The following ZSWIM9 variants were observed in gnomAD, a reference collection of about 807,000 sequenced individuals.
ZSWIM9 encodes uncharacterized protein ZSWIM9.
A neutral mutation model predicts 25.0 loss-of-function variants in ZSWIM9; 11 were observed. That is an observed-to-expected ratio of 0.44 (90% confidence interval 0.28 to 0.73). The LOEUF (loss-of-function observed/expected upper bound fraction) is 0.73, where lower values mean the gene tolerates loss of function less well. Among genes scored for constraint, ZSWIM9 ranks in the 30% least tolerant of loss-of-function variants. ZSWIM9 has a pLI of 0.16. For missense variants in ZSWIM9, 1,070 were observed against 1,296.5 expected, an observed-to-expected ratio of 0.83 and a Z score of 2.68; for synonymous variants, 562 against 582.1, an observed-to-expected ratio of 0.97 and a Z score of 0.50.
chr19:48,187,501 T>TTATATTATATATTATATTATAA (rs1568579570), intron 3 of ZSWIM9, among the ~76,000 whole-genome samples: 1 of 4,974 alleles, frequency 2.0e-4, no homozygotes, highest in Non-Finnish European at 6.4e-4. Context: ...TTATAATATA[T>TTATATTATATATTATATTATAA]TATATTATAT....
chr19:48,196,915 A>G lies in ZSWIM9; in HGVS notation c.*88A>G. On this transcript the variant is annotated 3_prime_UTR_variant, in exon 4 of 4. Transcript: ENST00000614654. ...AGATAATAGGGCTGAGGCCAAGGAGACCGTTGCAGTCCCCCTGGCCACCTT... is the reference window on the plus strand; with the variant it reads ...AGATAATAGGGCTGAGGCCAAGGAGGCCGTTGCAGTCCCCCTGGCCACCTT... The G allele has an allele frequency of 1.6e-6, 2 of 1,226,054 alleles. No homozygotes were observed. The highest frequency in any genetic ancestry group is 1.0e-6 in the Non-Finnish European group (1 of 970,706). 75.9% of individuals were successfully genotyped at this position (1,226,054 alleles called of 1,614,324 possible).
At chr19:48,189,895 AT>A (rs1354128895) in intron 3 of ZSWIM9, among the ~76,000 whole-genome samples, 2 of 152,258 alleles carry the variant, frequency 1.3e-5, no homozygotes, top group African/African-American at 4.8e-5. Flanking sequence ...CAAATAATTA[AT>A]TCTTAAAAAG....
chr19:48,182,734 C>A lies in ZSWIM9; in HGVS notation c.555C>A (p.Leu185=), dbSNP rs1457853163. 1.3e-6 allele frequency: 2 copies of A among 1,534,270 alleles called. No individual in the cohort carries two copies. Among genetic ancestry groups the A allele is most frequent in the African/African-American group, 2.7e-5 (2 of 72,998 alleles). ...GCGTCCTGGACGCCCTGCACGTGCT[C>A]GAGGGCCTCTTCCGCACCGACCCCG... ...DHGVLDALHV[L]EGLFRTDPEA... The change falls in exon 3 of 4, where the codon CTC becomes CTA. Residue 185 remains leucine (L), a synonymous_variant. Transcript: ENST00000614654. This position sits in a 1 kb window ranked among gnomAD's most constrained non-coding sequence, Gnocchi z 4.6.
At chr19:48,189,997 G>A (rs1461221171) in intron 3 of ZSWIM9, among the ~76,000 whole-genome samples, 1 of 152,114 alleles carries the variant, frequency 6.6e-6, no homozygotes, top group Non-Finnish European at 1.5e-5. Flanking sequence ...GAGGTCAAGA[G>A]TTTGAGACCA....
In ZSWIM9 at chr19:48,170,716, T is replaced by G. The variant is rs1599914111; in HGVS notation, c.-10+2T>G. 8.0e-5 allele frequency: 8 copies of G among 100,304 alleles called. No homozygotes were observed. Among genetic ancestry groups the G allele is most frequent in the Non-Finnish European group, 1.4e-4 (7 of 50,584 alleles). The allele number at this position is 100,304 out of a possible 1,614,324, so 6.2% of individuals were successfully genotyped here. A position where few individuals can be genotyped will look rare whatever the true frequency, so the allele number is the denominator to read the frequency against. ...TGGACGCCGCTCCGGGGCGGGTAGG[T>G]GAGTGGGGAGGGGCGGGAAGGGTGC... On this transcript the variant is annotated splice_donor_variant, in intron 1 of 3. Coordinates refer to ENST00000614654, the MANE Select transcript of ZSWIM9 (RefSeq NM_199341.4). LOFTEE classifies it low-confidence loss of function (5UTR_SPLICE).
intron 2 of ZSWIM9, chr19:48,181,205 A>G (rs192984862): frequency 6.6e-6 from 1 of 152,290 alleles, no homozygotes; most frequent in Admixed American, 6.5e-5. Context: ...AGAGGTAACC[A>G]GCACCCAGAA....
chr19:48,182,363 A>C lies in ZSWIM9; in HGVS notation c.276-92A>C. The C allele has an allele frequency of 3.7e-6, 4 of 1,087,990 alleles. No individual in the cohort carries two copies. Among genetic ancestry groups the C allele is most frequent in the Non-Finnish European group, 5.0e-6 (4 of 792,970 alleles). The allele number at this position is 1,087,990 out of a possible 1,614,324, so 67.4% of individuals were successfully genotyped here. A position where few individuals can be genotyped will look rare whatever the true frequency, so the allele number is the denominator to read the frequency against. On this transcript the variant is annotated intron_variant, in intron 2 of 3. Transcript: ENST00000614654. This position sits in a 1 kb window ranked among gnomAD's most constrained non-coding sequence, Gnocchi z 4.6. ...TCTACTCTTCTCTATGCCTGAAACA[A>C]TTCTTAGTTTAAAAAAAAAAAAAAG...
intron 2 of ZSWIM9, among the ~76,000 whole-genome samples, chr19:48,176,934 G>A (rs1215578754): frequency 6.6e-6 from 1 of 151,940 alleles, no homozygotes; most frequent in Non-Finnish European, 1.5e-5. Flanking sequence ...AATTAGCTGG[G>A]TGTGGCGGCG....
At chr19:48,181,136 C>T (rs1171409512) in intron 2 of ZSWIM9, 1 of 151,908 alleles carries the variant, frequency 6.6e-6, no homozygotes, top group Non-Finnish European at 1.5e-5. Context: ...TAACACACAT[C>T]CAGAAAAGTA....
In ZSWIM9 at chr19:48,195,402, G is replaced by C. The variant is rs1165317997; in HGVS notation, c.1338G>C (p.Gly446=). The C allele has an allele frequency of 2.0e-6, 3 of 1,469,946 alleles. No individual in the cohort carries two copies. Among genetic ancestry groups the C allele is most frequent in the South Asian group, 1.4e-5 (1 of 72,224 alleles). 91.1% of individuals were successfully genotyped at this position (1,469,946 alleles called of 1,614,324 possible). ...ADAAGEAVPE[G]PDGGGPWLED... ...CGGCCGGGGAGGCGGTGCCCGAGGG[G>C]CCCGATGGCGGGGGGCCTTGGCTGG... Residue 446 remains glycine, a synonymous_variant, in exon 4 of 4, where the codon GGG becomes GGC. Transcript: ENST00000614654. This position sits in a 1 kb window ranked among gnomAD's most constrained non-coding sequence, Gnocchi z 5.8.
chr19:48,196,131 G>A lies in ZSWIM9; in HGVS notation c.2067G>A (p.Glu689=). The A allele has an allele frequency of 8.0e-7, 1 of 1,242,424 alleles. No homozygotes were observed. Among genetic ancestry groups the A allele is most frequent in the Non-Finnish European group, 1.0e-6 (1 of 994,762 alleles). The allele number at this position is 1,242,424 out of a possible 1,614,324, so 77.0% of individuals were successfully genotyped here. A position where few individuals can be genotyped will look rare whatever the true frequency, so the allele number is the denominator to read the frequency against. Reference sequence around the variant, plus strand: ...AAAGGGGACCCCAGTGGGAAGATGAGAGGAGGAGAGGGCCAGAGATTGCAG... The same window carrying A: ...AAAGGGGACCCCAGTGGGAAGATGAAAGGAGGAGAGGGCCAGAGATTGCAG... The part of the protein sequence containing the change: ...GDQRGPQWED[E]RRRGPEIAEE... Residue 689 remains glutamate, a synonymous_variant, in exon 4 of 4, where the codon GAG becomes GAA. Coordinates refer to ENST00000614654, the MANE Select transcript of ZSWIM9 (RefSeq NM_199341.4).
At chr19:48,172,606 C>T (rs528982915) in intron 2 of ZSWIM9, among the ~76,000 whole-genome samples, 2 of 152,168 alleles carry the variant, frequency 1.3e-5, no homozygotes, top group Admixed American at 6.5e-5. Flanking sequence ...CTCCACCTCC[C>T]GAGTTCAAGC....
At chr19:48,189,281 T>G (rs533809808) in intron 3 of ZSWIM9, among the ~76,000 whole-genome samples, 4 of 152,088 alleles carry the variant, frequency 2.6e-5, no homozygotes, top group African/African-American at 4.8e-5. Context: ...TTGTGGTATA[T>G]CCATCCATGG....
chr19:48,183,585 T>G (rs1157414532), intron 3 of ZSWIM9, among the ~76,000 whole-genome samples: 1 of 151,322 alleles, frequency 6.6e-6, no homozygotes, highest in Non-Finnish European at 1.5e-5. Context: ...GCTGGCTGGG[T>G]GCTAGCAAGA....
rs2037170178 is a variant in ZSWIM9, at chr19:48,196,647, C to T, written c.2583C>T (p.Ala861=). The stretch of plus-strand genomic sequence containing the variant: ...TCCACTGGACCGGAGCTGGCTTTGC[C>T]CTTAAGGACGGCACCTCGGACTTCT... The part of the protein sequence containing the change: ...RGFHWTGAGF[A]LKDGTSDFFL... The change falls in exon 4 of 4, where the codon GCC becomes GCT. Residue 861 remains alanine (A), a synonymous_variant. Coordinates refer to ENST00000614654, the MANE Select transcript of ZSWIM9 (RefSeq NM_199341.4). 1 of 1,232,690 alleles carries T rather than the reference C, an allele frequency of 8.1e-7. No homozygotes were observed. Among genetic ancestry groups the T allele is most frequent in the Non-Finnish European group, 1.0e-6 (1 of 988,392 alleles). The allele number at this position is 1,232,690 out of a possible 1,614,324, so 76.4% of individuals were successfully genotyped here. A position where few individuals can be genotyped will look rare whatever the true frequency, so the allele number is the denominator to read the frequency against.
In ZSWIM9 at chr19:48,182,409, G is replaced by C; in HGVS notation, c.276-46G>C. The C allele has an allele frequency of 1.4e-6, 2 of 1,420,016 alleles. No homozygotes were observed. The highest frequency in any genetic ancestry group is 1.9e-6 in the Non-Finnish European group (2 of 1,062,308). The allele number at this position is 1,420,016 out of a possible 1,614,324, so 88.0% of individuals were successfully genotyped here. ...AAAAGGTGAGTGGAAAGGAAGAAGA[G>C]GGCAGCAGAGTGATGTGACCAGGGC... is the stretch of plus-strand genomic sequence containing the variant. On this transcript the variant is annotated intron_variant, in intron 2 of 3. Coordinates refer to ENST00000614654, the MANE Select transcript of ZSWIM9 (RefSeq NM_199341.4). The surrounding 1 kb of genome is among the most constrained non-coding windows in gnomAD (Gnocchi z 4.6).
In ZSWIM9 at chr19:48,171,839, G is replaced by A. The variant is rs1346431068; in HGVS notation, c.37G>A (p.Gly13Arg). Residue 13 changes from glycine (G) to arginine (R), a missense_variant, in exon 2 of 4, where the codon GGG becomes AGG. Physicochemically the swap from Gly to Arg is moderately radical, Grantham distance 125. Coordinates refer to ENST00000614654, the MANE Select transcript of ZSWIM9 (RefSeq NM_199341.4). ...GGAGCCCCCACCCGGCACGGCTGCG[G>A]GGCAGGAGGAGCAGGAGCTGCGGGA... ...RPEPPPGTAA[G>R]QEEQELRERA... 2.5e-5 allele frequency: 39 copies of A among 1,534,514 alleles called. No individual in the cohort carries two copies. The highest frequency in any genetic ancestry group is 3.4e-5 in the Non-Finnish European group (39 of 1,146,332).
chr19:48,182,830 G>C lies in ZSWIM9; in HGVS notation c.588+63G>C. 1 of 1,239,812 alleles carries C rather than the reference G, an allele frequency of 8.1e-7. No homozygotes were observed. Among genetic ancestry groups the C allele is most frequent in the South Asian group, 1.5e-5 (1 of 68,066 alleles). 76.8% of individuals were successfully genotyped at this position (1,239,812 alleles called of 1,614,324 possible). On this transcript the variant is annotated intron_variant, in intron 3 of 3. Transcript: ENST00000614654. This position sits in a 1 kb window ranked among gnomAD's most constrained non-coding sequence, Gnocchi z 4.6. ...GGGGAAAGCCGCGCTGAAGACTCGTGGGTCATTCATGCCTTCATCCGCCCT... is the reference window on the plus strand; with the variant it reads ...GGGGAAAGCCGCGCTGAAGACTCGTCGGTCATTCATGCCTTCATCCGCCCT...
rs542601139 is a variant in ZSWIM9 at position 48,186,163 on chromosome 19, G to A, written c.588+3396G>A. Reference sequence around the variant, plus strand: ...GCTAGTGGCTTCTGGATTGGACAGCGCAGCTCTGCACATATACAGGTCAAT... The same window carrying A: ...GCTAGTGGCTTCTGGATTGGACAGCACAGCTCTGCACATATACAGGTCAAT... On this transcript the variant is annotated intron_variant, in intron 3 of 3. Coordinates refer to ENST00000614654, the MANE Select transcript of ZSWIM9 (RefSeq NM_199341.4). 4.0e-4 allele frequency among the ~76,000 whole-genome samples: 61 copies of A among 152,300 alleles called. 1 individual carries two copies. The highest frequency in any genetic ancestry group is 1.4e-3 in the African/African-American group (59 of 41,554).
Sources: allele counts gnomAD v4.1 joint callset (sites outside exome capture counted in the v4.1 genomes callset), GRCh38; gene constraint gnomAD v4.1.1; non-coding constraint Gnocchi (gnomAD v3.1); transcripts MANE v1.5; gene names NCBI Gene and HGNC (gene_info 2026-07-23, HGNC 2026-07-21).